PALM2AKAP2: variants seen among roughly 807,000 people sequenced by gnomAD.
PALM2AKAP2 encodes the protein PALM2 and AKAP2 fusion.
A neutral mutation model predicts 71.5 loss-of-function variants in PALM2AKAP2; 37 were observed. The observed-to-expected ratio is 0.52, with a 90% CI of 0.40 to 0.68. PALM2AKAP2 has a LOEUF of 0.68. PALM2AKAP2 is among the 30% of genes least tolerant of loss of function. PALM2AKAP2 has a pLI of 0.00. For synonymous variants in PALM2AKAP2, 468 were observed against 478.8 expected, an observed-to-expected ratio of 0.98 and a Z score of 0.29; for missense variants, 1,224 against 1,191.8, an observed-to-expected ratio of 1.03 and a Z score of -0.40.
intron 2 of PALM2AKAP2, among the ~76,000 whole-genome samples, chr9:109,869,734 T>C (rs1364713650): frequency 6.6e-6 from 1 of 152,106 alleles, no homozygotes; most frequent in Non-Finnish European, 1.5e-5. Context: ...AGTGAGGTTT[T>C]TCTCAAGGAC....
intron 6 of PALM2AKAP2, chr9:109,942,879 A>G: frequency 1.2e-6 from 2 of 1,614,222 alleles, no homozygotes; most frequent in South Asian, 2.2e-5. Flanking sequence ...AATTAAGCAC[A>G]AAGGATGTAG....
chr9:109,715,887 C>T (rs913363), intron 1 of PALM2AKAP2, among the ~76,000 whole-genome samples: 22,341 of 152,154 alleles, frequency 0.15, 2,062 homozygotes, highest in Non-Finnish European at 0.21. Flanking sequence ...ATATACTCTT[C>T]TCTATGTGTT....
At chr9:109,973,730 G>GA (rs1306118490) in intron 6 of PALM2AKAP2, among the ~76,000 whole-genome samples, 1 of 152,200 alleles carries the variant, frequency 6.6e-6, no homozygotes, top group African/African-American at 2.4e-5. Context: ...ATAACTCTGT[G>GA]AGGTAGGTAT....
intron 1 of PALM2AKAP2, among the ~76,000 whole-genome samples, chr9:109,691,901 T>TAC (rs749405717): frequency 2.0e-4 from 12 of 61,448 alleles, no homozygotes; most frequent in East Asian, 4.1e-4. Flanking sequence ...TATATATATA[T>TAC]ACACACACAC....
intron 1 of PALM2AKAP2, among the ~76,000 whole-genome samples, chr9:109,705,261 C>T (rs888453314): frequency 2.6e-5 from 4 of 152,208 alleles, no homozygotes; most frequent in Non-Finnish European, 4.4e-5. Context: ...TCCACTTAAT[C>T]GCCTTTTCCA....
intron 6 of PALM2AKAP2, among the ~76,000 whole-genome samples, chr9:110,006,371 T>TTTCC (rs929351755): frequency 7.0e-6 from 1 of 142,830 alleles, no homozygotes; most frequent in East Asian, 2.1e-4. Flanking sequence ...TCTTTCTTTC[T>TTTCC]TCTCTCTTTC....
chr9:110,142,801 A>G (rs1836066691), intron 2 of PALM2AKAP2, among the ~76,000 whole-genome samples: 1 of 152,264 alleles, frequency 6.6e-6, no homozygotes, highest in Non-Finnish European at 1.5e-5. Context: ...ATTTGGAGCC[A>G]GACAACCAAG....
At chr9:110,020,653 A>G (rs1451079234) in intron 7 of PALM2AKAP2, among the ~76,000 whole-genome samples, 1 of 152,122 alleles carries the variant, frequency 6.6e-6, no homozygotes, top group Non-Finnish European at 1.5e-5. Context: ...ACTGCACTCC[A>G]GCCTGCATGA....
At chr9:109,984,900 C>T (rs376642697) in intron 6 of PALM2AKAP2, among the ~76,000 whole-genome samples, 8 of 151,244 alleles carry the variant, frequency 5.3e-5, no homozygotes, top group African/African-American at 1.5e-4. Flanking sequence ...AAAGGCCGGG[C>T]GTGGTGGCTC....
At chr9:110,028,679 G>T (rs947108720) in intron 7 of PALM2AKAP2, among the ~76,000 whole-genome samples, 1 of 151,988 alleles carries the variant, frequency 6.6e-6, no homozygotes, top group Non-Finnish European at 1.5e-5. Context: ...GCTAAAGCAG[G>T]GGAGCTCCAA....
At chr9:110,146,831 T>A (rs925123813) in intron 2 of PALM2AKAP2, among the ~76,000 whole-genome samples, 6 of 152,096 alleles carry the variant, frequency 3.9e-5, no homozygotes, top group Non-Finnish European at 7.4e-5. Flanking sequence ...CACCAAAGAA[T>A]ATATGTGTAG....
At chr9:109,751,168 TG>T (rs1828882250) in intron 1 of PALM2AKAP2, among the ~76,000 whole-genome samples, 1 of 152,200 alleles carries the variant, frequency 6.6e-6, no homozygotes, top group African/African-American at 2.4e-5. Flanking sequence ...ATGTCTAAAC[TG>T]AGTGGGGAAC....
intron 1 of PALM2AKAP2, among the ~76,000 whole-genome samples, chr9:110,082,325 G>T (rs993452170): frequency 1.3e-5 from 2 of 152,116 alleles, no homozygotes; most frequent in African/African-American, 4.8e-5. Context: ...CAAAGTGCTG[G>T]GATTTACAGG....
At chr9:109,714,919 C>T (rs1828293802) in intron 1 of PALM2AKAP2, among the ~76,000 whole-genome samples, 1 of 152,190 alleles carries the variant, frequency 6.6e-6, no homozygotes, top group Non-Finnish European at 1.5e-5. Context: ...TGGGCTGCCC[C>T]TGTTGTGACT....
intron 1 of PALM2AKAP2, among the ~76,000 whole-genome samples, chr9:109,766,523 T>C (rs1293622944): frequency 2.0e-5 from 3 of 152,218 alleles, no homozygotes; most frequent in African/African-American, 4.8e-5. Context: ...TTGTGCATCA[T>C]AGAGTTCACA....
At chr9:110,104,005 A>G (rs898941687) in intron 1 of PALM2AKAP2, among the ~76,000 whole-genome samples, 1 of 152,164 alleles carries the variant, frequency 6.6e-6, no homozygotes. Flanking sequence ...AGTGTCAGCC[A>G]CATCTTCTTT....
chr9:109,727,218 A>G (rs1454587820), intron 1 of PALM2AKAP2, among the ~76,000 whole-genome samples: 1 of 152,144 alleles, frequency 6.6e-6, no homozygotes, highest in Non-Finnish European at 1.5e-5. Flanking sequence ...TTTTCAGGTT[A>G]CTTGGCCATA....
chr9:109,750,201 A>G (rs566816517), intron 1 of PALM2AKAP2, among the ~76,000 whole-genome samples: 22 of 152,308 alleles, frequency 1.4e-4, no homozygotes, highest in African/African-American at 5.3e-4. Flanking sequence ...GTTGACTAGA[A>G]TCTCTTGATT....
chr9:109,782,785 T>G (rs879636546), intron 1 of PALM2AKAP2, among the ~76,000 whole-genome samples: 6 of 151,720 alleles, frequency 4.0e-5, no homozygotes, highest in Non-Finnish European at 7.4e-5. Context: ...TGTATGTGTG[T>G]GTGAGAGAGA....
Sources: gnomAD v4.1 joint callset for allele counts (sites outside exome capture counted in the v4.1 genomes callset) on GRCh38, gnomAD v4.1.1 for gene constraint, MANE v1.5 for transcripts, NCBI Gene and HGNC (gene_info 2026-07-23, HGNC 2026-07-21) for gene names.